The following JAZF1 variants were observed in gnomAD, a reference collection of about 807,000 sequenced individuals.
JAZF1 encodes the protein juxtaposed with another zinc finger protein 1.
JAZF1 carries 8 observed loss-of-function variants against 26.4 expected under a neutral mutation model. That is an observed-to-expected ratio of 0.30 (90% CI 0.18 to 0.55). JAZF1 has a LOEUF of 0.55. JAZF1 is among the 20% of genes least tolerant of loss of function. The pLI is 0.94. For synonymous variants in JAZF1, 126 were observed against 122.3 expected (o/e 1.03, Z -0.20); for missense variants, 199 against 322.0 (o/e 0.62, Z 2.92).
At chr7:27,980,202 A>G (rs965770887) in intron 2 of JAZF1, among the ~76,000 whole-genome samples, 1 of 152,166 alleles carries the variant, frequency 6.6e-6, no homozygotes, top group Non-Finnish European at 1.5e-5. Flanking sequence ...TTTGAACCCA[A>G]TGCCCCACTG....
intron 2 of JAZF1, among the ~76,000 whole-genome samples, chr7:27,982,409 G>A (rs1036981059): frequency 2.6e-5 from 4 of 152,136 alleles, no homozygotes; most frequent in Admixed American, 6.5e-5. Context: ...GGGGAGGGGC[G>A]TCCGCCACTG....
intron 1 of JAZF1, among the ~76,000 whole-genome samples, chr7:28,160,299 C>T (rs529968956): frequency 8.5e-5 from 13 of 152,296 alleles, no homozygotes; most frequent in Middle Eastern, 3.4e-3. Context: ...CAGAACTCCG[C>T]TGTCACTCTC....
intron 1 of JAZF1, among the ~76,000 whole-genome samples, chr7:28,087,923 T>C (rs1180259581): frequency 2.0e-5 from 3 of 152,238 alleles, no homozygotes; most frequent in Admixed American, 6.5e-5. Context: ...CCACTTTTTT[T>C]TCCTAGTGGG....
At chr7:27,863,256 T>C (rs879908117) in intron 3 of JAZF1, among the ~76,000 whole-genome samples, 2 of 152,242 alleles carry the variant, frequency 1.3e-5, no homozygotes, top group Admixed American at 6.5e-5. Context: ...TATGTCTCCA[T>C]GTCCATCTGG....
intron 2 of JAZF1, among the ~76,000 whole-genome samples, chr7:27,902,812 C>G (rs1424988207): frequency 6.6e-6 from 1 of 151,996 alleles, no homozygotes; most frequent in African/African-American, 2.4e-5. Flanking sequence ...GTCAGGAGAT[C>G]GAGACCATCT....
At chr7:27,879,096 T>G (rs548634464) in intron 3 of JAZF1, among the ~76,000 whole-genome samples, 23 of 152,346 alleles carry the variant, frequency 1.5e-4, no homozygotes, top group African/African-American at 5.3e-4. Context: ...CTGAAACCTG[T>G]AATTCTTTTA....
intron 1 of JAZF1, among the ~76,000 whole-genome samples, chr7:28,096,378 A>C (rs1169647306): frequency 1.3e-5 from 2 of 152,268 alleles, no homozygotes; most frequent in African/African-American, 4.8e-5. Context: ...ACTTGACTGG[A>C]CCATATATGT....
At chr7:27,837,825 C>T (rs555897624) in intron 4 of JAZF1, among the ~76,000 whole-genome samples, 17 of 152,174 alleles carry the variant, frequency 1.1e-4, no homozygotes, top group Admixed American at 9.8e-4. Flanking sequence ...AGGCTCCCTG[C>T]TCTCCCTCTG....
intron 1 of JAZF1, among the ~76,000 whole-genome samples, chr7:28,141,835 GAA>G (rs912922684): frequency 2.0e-5 from 3 of 152,040 alleles, no homozygotes; most frequent in Non-Finnish European, 4.4e-5. Flanking sequence ...TGTTTAAAAT[GAA>G]AAAGTTTCAC....
chr7:27,866,157 C>T (rs1030474472), intron 3 of JAZF1, among the ~76,000 whole-genome samples: 2 of 152,146 alleles, frequency 1.3e-5, no homozygotes, highest in Non-Finnish European at 2.9e-5. Context: ...ACACAGTGCA[C>T]GTAGGCATTT....
At chr7:28,002,343 G>A (rs1419625727) in intron 1 of JAZF1, among the ~76,000 whole-genome samples, 2 of 152,268 alleles carry the variant, frequency 1.3e-5, no homozygotes, top group East Asian at 3.9e-4. Flanking sequence ...AAAAAGAATA[G>A]AATAAAAATT....
intron 1 of JAZF1, among the ~76,000 whole-genome samples, chr7:28,049,445 G>A (rs1403010462): frequency 6.6e-6 from 1 of 151,986 alleles, no homozygotes; most frequent in Non-Finnish European, 1.5e-5. Context: ...AGATGTGTGG[G>A]GTTTTCTCCC....
At chr7:27,880,014 G>C (rs574777030) in intron 3 of JAZF1, among the ~76,000 whole-genome samples, 1 of 152,180 alleles carries the variant, frequency 6.6e-6, no homozygotes, top group Non-Finnish European at 1.5e-5. Flanking sequence ...CTAGGAGGCT[G>C]TTAGATGCTA....
chr7:28,036,761 A>C lies in JAZF1; in HGVS notation c.116-44780T>G, dbSNP rs540193793. Among the ~76,000 whole-genome samples the C allele has an allele frequency of 7.3e-4, 111 of 152,314 alleles. No individual in the cohort carries two copies. In the Middle Eastern group the frequency reaches 0.014, roughly 19 times the overall value. On this transcript the variant is annotated intron_variant, in intron 1 of 4. Coordinates refer to ENST00000283928, the MANE Select transcript of JAZF1 (RefSeq NM_175061.4). Reference sequence around the variant, plus strand: ...TAGAGGTTCCTAACCCTGCCTGGGCACTCAGGGGTATGGGATGTTGGGGGT... The same window carrying C: ...TAGAGGTTCCTAACCCTGCCTGGGCCCTCAGGGGTATGGGATGTTGGGGGT...
chr7:27,958,512 T>C (rs1785137453), intron 2 of JAZF1, among the ~76,000 whole-genome samples: 1 of 152,196 alleles, frequency 6.6e-6, no homozygotes, highest in Admixed American at 6.5e-5. Flanking sequence ...CTAGTTTGTG[T>C]GCTGCAGAGG....
intron 2 of JAZF1, among the ~76,000 whole-genome samples, chr7:27,910,412 T>C (rs1272799115): frequency 6.6e-6 from 1 of 152,222 alleles, no homozygotes; most frequent in African/African-American, 2.4e-5. Context: ...ACTACTTAAC[T>C]GCTAATGAAG....
At chr7:27,930,254 C>G (rs1239868091) in intron 2 of JAZF1, among the ~76,000 whole-genome samples, 1 of 152,186 alleles carries the variant, frequency 6.6e-6, no homozygotes, top group Admixed American at 6.5e-5. Context: ...CTTGGCCTCC[C>G]AAAGTACTGG....
At chr7:27,862,805 C>T (rs1562770218) in intron 3 of JAZF1, among the ~76,000 whole-genome samples, 2 of 152,202 alleles carry the variant, frequency 1.3e-5, no homozygotes, top group Non-Finnish European at 2.9e-5. Flanking sequence ...ATTTTGGGTG[C>T]ATGTGCGTGT....
intron 3 of JAZF1, among the ~76,000 whole-genome samples, chr7:27,882,650 A>C (rs566098259): frequency 1.2e-3 from 179 of 152,292 alleles, no homozygotes; most frequent in African/African-American, 4.2e-3. Flanking sequence ...AATTAGCTTA[A>C]AGCATTCTCA....
Sources: gnomAD v4.1 joint callset for allele counts (sites outside exome capture counted in the v4.1 genomes callset) on GRCh38, gnomAD v4.1.1 for gene constraint, MANE v1.5 for transcripts, NCBI Gene and HGNC (gene_info 2026-07-23, HGNC 2026-07-21) for gene names.